The following DAB2 variants were observed in gnomAD, a reference collection of about 807,000 sequenced individuals.
The protein encoded by DAB2 is disabled homolog 2.
DAB2 carries 28 observed loss-of-function variants against 71.6 expected under a neutral mutation model. The observed-to-expected ratio is 0.39, with a 90% CI of 0.29 to 0.54. DAB2 has a LOEUF of 0.54. Ranked by LOEUF, DAB2 falls within the 20% of genes least tolerant of loss-of-function variation. The probability of loss-of-function intolerance (pLI) is 0.68; values close to 1 mark genes in which losing one functional copy is unlikely to be tolerated. For synonymous variants in DAB2, 345 were observed against 339.7 expected (o/e 1.02, Z -0.17); for missense variants, 867 against 928.8 (o/e 0.93, Z 0.86).
chr5:39,382,666 G>T lies in DAB2; in HGVS notation c.1293C>A (p.Ile431=). The change falls in exon 10 of 15, where the codon ATC becomes ATA. Residue 431 remains isoleucine (I), a synonymous_variant. Coordinates refer to ENST00000320816, the MANE Select transcript of DAB2 (RefSeq NM_001343.4). ...QSSPHDSIAI[I]PPPQSTKPGR... is the part of the protein sequence containing the mutation. ...CTGGTTTGGTACTTTGTGGAGGTGG[G>T]ATAATGGCTATGGAGTCATGTGGTG... 1 of 1,614,120 alleles carries T rather than the reference G, an allele frequency of 6.2e-7. No homozygotes were observed. The highest frequency in any genetic ancestry group is 8.5e-7 in the Non-Finnish European group (1 of 1,179,978).
chr5:39,408,520 T>C (rs1755653346), intron 1 of DAB2: 1 of 152,192 alleles, frequency 6.6e-6, no homozygotes, highest in African/African-American at 2.4e-5. Flanking sequence ...ATTGGTGGCC[T>C]TGCTAATCCC....
chr5:39,404,394 TAA>T (rs555236403), intron 1 of DAB2, among the ~76,000 whole-genome samples: 2 of 63,794 alleles, frequency 3.1e-5, no homozygotes, highest in Non-Finnish European at 6.7e-5. Flanking sequence ...TAAAGTATAA[TAA>T]AAAAAAAGAA....
At chr5:39,413,628 T>C (rs1755780447) in intron 1 of DAB2, among the ~76,000 whole-genome samples, 1 of 152,188 alleles carries the variant, frequency 6.6e-6, no homozygotes, top group Non-Finnish European at 1.5e-5. Flanking sequence ...TTATATATGT[T>C]TTTCCATAAA....
At chr5:39,414,990 A>G (rs1002810822) in intron 1 of DAB2, among the ~76,000 whole-genome samples, 1 of 152,104 alleles carries the variant, frequency 6.6e-6, no homozygotes, top group Non-Finnish European at 1.5e-5. Flanking sequence ...AGCAGGTCAC[A>G]GTTATAACTG....
In DAB2 at chr5:39,390,432, C is replaced by T; in HGVS notation, c.462+12G>A. The T allele has an allele frequency of 6.2e-7, 1 of 1,613,556 alleles. No homozygotes were observed. Among genetic ancestry groups the T allele is most frequent in the Non-Finnish European group, 8.5e-7 (1 of 1,179,726 alleles). ...ACAAGTCCCCAGGTCTATGTCAAGA[C>T]TTAGAGCTCACCTGTTGCCCGGTTT... is the stretch of plus-strand genomic sequence containing the variant. On this transcript the variant is annotated intron_variant, in intron 5 of 14. Coordinates refer to ENST00000320816, the MANE Select transcript of DAB2 (RefSeq NM_001343.4).
intron 1 of DAB2, among the ~76,000 whole-genome samples, chr5:39,420,545 C>T (rs1705698749): frequency 1.3e-5 from 2 of 152,170 alleles, no homozygotes; most frequent in South Asian, 4.2e-4. Context: ...TACCAGTTGA[C>T]TTAGTTAAAA....
chr5:39,380,761 T>G (rs1754963859), intron 11 of DAB2, among the ~76,000 whole-genome samples: 2 of 152,222 alleles, frequency 1.3e-5, no homozygotes, highest in African/African-American at 4.8e-5. Context: ...ACTAGCTGTC[T>G]GATAAAATTC....
At chr5:39,403,035 A>G (rs1323598095) in intron 1 of DAB2, among the ~76,000 whole-genome samples, 1 of 152,242 alleles carries the variant, frequency 6.6e-6, no homozygotes, top group African/African-American at 2.4e-5. Context: ...CTCTGGGCAT[A>G]GAGACCCAGG....
chr5:39,383,735 T>C (rs1280763790), intron 9 of DAB2, among the ~76,000 whole-genome samples: 2 of 152,212 alleles, frequency 1.3e-5, no homozygotes, highest in Non-Finnish European at 2.9e-5. Flanking sequence ...GTCCTCTCTA[T>C]TGTACCCCCA....
At chr5:39,386,337 G>A (rs1472644605) in intron 9 of DAB2, among the ~76,000 whole-genome samples, 1 of 152,072 alleles carries the variant, frequency 6.6e-6, no homozygotes, top group Non-Finnish European at 1.5e-5. Flanking sequence ...TAAAGTCTAG[G>A]TAATTTAGAT....
intron 1 of DAB2, among the ~76,000 whole-genome samples, chr5:39,421,836 C>A (rs1394852942): frequency 1.3e-5 from 2 of 151,234 alleles, no homozygotes; most frequent in Admixed American, 6.6e-5. Context: ...GTGGGTGGAT[C>A]ACTTGAGGTC....
At chr5:39,387,451 G>A (rs568906497) in intron 9 of DAB2, among the ~76,000 whole-genome samples, 3 of 152,110 alleles carry the variant, frequency 2.0e-5, no homozygotes, top group Non-Finnish European at 4.4e-5. Flanking sequence ...AATTACTAAC[G>A]ATGTGATTAG....
At position 39,389,850 on chromosome 5, in the gene DAB2, G is replaced by A; in HGVS notation, c.543+2C>T. 1 of 1,502,468 alleles carries A rather than the reference G, an allele frequency of 6.7e-7. No individual in the cohort carries two copies. The highest frequency in any genetic ancestry group is 9.2e-7 in the Non-Finnish European group (1 of 1,089,468). The allele number at this position is 1,502,468 out of a possible 1,614,324, so 93.1% of individuals were successfully genotyped here. A position where few individuals can be genotyped will look rare whatever the true frequency, so the allele number is the denominator to read the frequency against. ...ATAGAGCCTTAATCAGGTAGTACTT[G>A]CCTTTTTCTTTTCTTCTTCCTTTTT... On this transcript the variant is annotated splice_donor_variant, in intron 6 of 14. Coordinates refer to ENST00000320816, the MANE Select transcript of DAB2 (RefSeq NM_001343.4). LOFTEE classifies it low-confidence loss of function (GC_TO_GT_DONOR).
intron 11 of DAB2, among the ~76,000 whole-genome samples, chr5:39,381,099 T>G (rs1266461806): frequency 6.6e-6 from 1 of 152,220 alleles, no homozygotes; most frequent in Non-Finnish European, 1.5e-5. Context: ...ATGGAAGACA[T>G]GCATGTTGAC....
chr5:39,379,009 A>G (rs1231390818), intron 11 of DAB2, among the ~76,000 whole-genome samples: 1 of 152,212 alleles, frequency 6.6e-6, no homozygotes, highest in African/African-American at 2.4e-5. Context: ...ACATTCAATT[A>G]AATTGTATTA....
At chr5:39,379,899 C>T (rs1159667798) in intron 11 of DAB2, among the ~76,000 whole-genome samples, 1 of 152,216 alleles carries the variant, frequency 6.6e-6, no homozygotes, top group Non-Finnish European at 1.5e-5. Flanking sequence ...CAGTTGTATA[C>T]CCCAAGCCCT....
chr5:39,408,149 GA>G (rs1358714059), intron 1 of DAB2, among the ~76,000 whole-genome samples: 1 of 152,212 alleles, frequency 6.6e-6, no homozygotes, highest in African/African-American at 2.4e-5. Flanking sequence ...TTTGAAGGAA[GA>G]AGAATCCAGC....
chr5:39,422,347 T>C lies in DAB2; in HGVS notation c.-102+2457A>G, dbSNP rs1411698170. Among the ~76,000 whole-genome samples the C allele has an allele frequency of 6.6e-6, 1 of 152,194 alleles. No homozygotes were observed. Among genetic ancestry groups the C allele is most frequent in the Non-Finnish European group, 1.5e-5 (1 of 68,016 alleles). On this transcript the variant is annotated intron_variant, in intron 1 of 14. Transcript: ENST00000320816. This position sits in a 1 kb window ranked among gnomAD's most constrained non-coding sequence, Gnocchi z 4.1. The stretch of plus-strand genomic sequence containing the variant: ...GAATCTTTCCAGCTGGGGAGGTATG[T>C]TCTGATGAGCATTAGGACAACTTCA...
intron 1 of DAB2, chr5:39,417,256 C>G (rs1755869624): frequency 6.6e-6 from 1 of 151,794 alleles, no homozygotes. Context: ...TGTAACAAAA[C>G]TGCATGTTCT....
Sources: allele counts gnomAD v4.1 joint callset (sites outside exome capture counted in the v4.1 genomes callset), GRCh38; gene constraint gnomAD v4.1.1; non-coding constraint Gnocchi (gnomAD v3.1); transcripts MANE v1.5; gene names NCBI Gene and HGNC (gene_info 2026-07-23, HGNC 2026-07-21).